TASOR: variants seen among roughly 807,000 people sequenced by gnomAD.
TASOR encodes transcription activation suppressor, also known as protein TASOR.
A neutral mutation model predicts 178.6 loss-of-function variants in TASOR; 53 were observed. The ratio of observed to expected loss-of-function variants is 0.30; its 90% confidence interval spans 0.24 to 0.37. The LOEUF (loss-of-function observed/expected upper bound fraction) is 0.37, where lower values mean the gene tolerates loss of function less well. Ranked by LOEUF, TASOR falls within the 10% of genes least tolerant of loss-of-function variation. TASOR has a pLI of 1.00. For missense variants in TASOR, 1,815 were observed against 1,971.4 expected (o/e 0.92, Z 1.50); for synonymous variants, 713 against 696.2 (o/e 1.02, Z -0.38).
rs1246669542 is a variant in TASOR, at chr3:56,678,424, G to A, written c.331+4252C>T. Among the ~76,000 whole-genome samples, 5 of 151,418 alleles carry A rather than the reference G, an allele frequency of 3.3e-5. No homozygotes were observed. In the East Asian group the frequency reaches 5.9e-4, roughly 18 times the overall value. On this transcript the variant is annotated intron_variant, in intron 1 of 23. Coordinates refer to ENST00000683822, the MANE Select transcript of TASOR (RefSeq NM_001365635.2). ...TCTCAAACTCCTGACCTCGTGATTC[G>A]CCCACCTCGGCCTCTCAAAGTGCTG...
intron 21 of TASOR, among the ~76,000 whole-genome samples, chr3:56,625,404 T>C (rs1017649531): frequency 1.3e-5 from 2 of 152,146 alleles, no homozygotes; most frequent in Admixed American, 6.5e-5. Context: ...TCCCAAAACT[T>C]TGGGAGGCCA....
intron 11 of TASOR, among the ~76,000 whole-genome samples, chr3:56,654,506 G>A (rs1033670683): frequency 2.0e-5 from 3 of 152,076 alleles, no homozygotes; most frequent in Non-Finnish European, 4.4e-5. Context: ...TACCATGTGT[G>A]ATGGTTAATT....
rs927866449 is a variant in TASOR at position 56,682,912 on chromosome 3, G to A, written c.95C>T (p.Pro32Leu). The change falls in exon 1 of 24, where the codon CCG becomes CTG. Residue 32 changes from proline (P) to leucine (L), a missense_variant. Transcript: ENST00000683822. ...GGDDEMKQAL[P>L]ELESSQQNGG... is the part of the protein sequence containing the mutation. Reference sequence around the variant, plus strand: ...ATTTTGTTGGGAGGACTCAAGCTCCGGAAGCGCCTGCTTCATCTCGTCGTC... The same window carrying A: ...ATTTTGTTGGGAGGACTCAAGCTCCAGAAGCGCCTGCTTCATCTCGTCGTC... The A allele has an allele frequency of 1.8e-5, 28 of 1,539,288 alleles. No individual in the cohort carries two copies. The East Asian group carries it at 6.4e-4, about 35-fold the overall frequency.
At chr3:56,673,386 C>G (rs1356758555) in intron 2 of TASOR, among the ~76,000 whole-genome samples, 194 bp downstream of exon 2, 1 of 139,910 alleles carries the variant, frequency 7.1e-6, no homozygotes, top group African/African-American at 2.7e-5. Context: ...GAGCCGAGAT[C>G]GCGCCACTGT....
intron 1 of TASOR, among the ~76,000 whole-genome samples, chr3:56,680,375 T>C (rs570041113): frequency 2.6e-5 from 4 of 152,188 alleles, no homozygotes; most frequent in Non-Finnish European, 4.4e-5. Context: ...TCAATTACAA[T>C]GGCAGTTATT....
At chr3:56,636,180 A>C (rs1455479540) in intron 17 of TASOR, among the ~76,000 whole-genome samples, 1 of 151,634 alleles carries the variant, frequency 6.6e-6, no homozygotes, top group Non-Finnish European at 1.5e-5. Flanking sequence ...CGTGGTGGCG[A>C]GCACCTGTAA....
At chr3:56,658,258 T>C (rs752937654) in intron 11 of TASOR, among the ~76,000 whole-genome samples, 1 of 152,226 alleles carries the variant, frequency 6.6e-6, no homozygotes, top group Non-Finnish European at 1.5e-5. Flanking sequence ...GATTTTACTT[T>C]ACTTCTTGAT....
intron 11 of TASOR, among the ~76,000 whole-genome samples, chr3:56,660,102 C>G (rs768819901): frequency 2.0e-5 from 3 of 151,960 alleles, no homozygotes; most frequent in Non-Finnish European, 4.4e-5. Context: ...ATCTTATGAT[C>G]TGCCTGCCTT....
chr3:56,646,639 C>G lies in TASOR; in HGVS notation c.2098G>C (p.Asp700His), dbSNP rs2077244623. The G allele has an allele frequency of 6.2e-7, 1 of 1,613,580 alleles. No homozygotes were observed. Among genetic ancestry groups the G allele is most frequent in the Non-Finnish European group, 8.5e-7 (1 of 1,179,970 alleles). The change falls in exon 14 of 24, where the codon GAC becomes CAC. Residue 700 changes from aspartate (D) to histidine (H), a missense_variant. Coordinates refer to ENST00000683822, the MANE Select transcript of TASOR (RefSeq NM_001365635.2). ...CRKKSVGGDSDTEDMRSKTVL... is the reference protein window; with the variant it reads ...CRKKSVGGDSHTEDMRSKTVL... ...GTTTTGCTTCTCATATCTTCTGTGT[C>G]TGAGTCCCCACCCACACTCTTTTTC... is the stretch of plus-strand genomic sequence containing the variant.
Position 56,623,517 on chromosome 3 carries a change from T to G in TASOR, c.4533A>C (p.Ser1511=). 1 of 1,608,952 alleles carries G rather than the reference T, an allele frequency of 6.2e-7. No individual in the cohort carries two copies. ...EKDEEDMSLD[S]GDEISHIEVC... ...CTTCTATATGTGAGATTTCATCCCC[T>G]GAATCCAGAGACATATCCTCTTCAT... Residue 1511 remains serine, a synonymous_variant, in exon 24 of 24, where the codon TCA becomes TCC. Transcript: ENST00000683822.
chr3:56,627,465 G>T, intron 20 of TASOR, 117 bp downstream of exon 20: 2 of 1,129,628 alleles, frequency 1.8e-6, no homozygotes, highest in Non-Finnish European at 2.6e-6. Flanking sequence ...GGTAATAAAA[G>T]CTCAAGAAAA....
intron 14 of TASOR, among the ~76,000 whole-genome samples, chr3:56,646,321 G>A (rs150838390): frequency 6.6e-6 from 1 of 152,272 alleles, no homozygotes; most frequent in Non-Finnish European, 1.5e-5. Flanking sequence ...CAGTCTCAGT[G>A]CCAACTCTGC....
chr3:56,625,882 A>T (rs2076788299), intron 21 of TASOR, among the ~76,000 whole-genome samples: 1 of 151,976 alleles, frequency 6.6e-6, no homozygotes, highest in South Asian at 2.1e-4. Flanking sequence ...TCAGCCTCCC[A>T]ATGTGCTGGG....
chr3:56,628,387 A>G, intron 19 of TASOR, 105 bp downstream of exon 19: 1 of 1,085,210 alleles, frequency 9.2e-7, no homozygotes, highest in South Asian at 1.5e-5. Flanking sequence ...CTTAAGTTTA[A>G]TCTCCTTTAA....
Position 56,674,201 on chromosome 3 carries a change from T to TAAAA in TASOR, c.332-480_332-477dup, listed in dbSNP as rs11348732. On this transcript the variant is annotated intron_variant, in intron 1 of 23. Coordinates refer to ENST00000683822, the MANE Select transcript of TASOR (RefSeq NM_001365635.2). Reference sequence around the variant, plus strand: ...TTACTGACACACTGGTCTTTAAGTTTAAAAAAAAAAAAAAAAAAAAAAAGC... The same window carrying TAAAA: ...TTACTGACACACTGGTCTTTAAGTTTAAAAAAAAAAAAAAAAAAAAAAAAAAAGC... 1.1e-3 allele frequency among the ~76,000 whole-genome samples: 128 copies of TAAAA among 111,818 alleles called. 1 individual carries two copies. Among genetic ancestry groups the TAAAA allele is most frequent in the African/African-American group, 4.1e-3 (120 of 28,958 alleles). The allele number at this position is 111,818 out of a possible 152,430, so 73.4% of individuals were successfully genotyped here.
intron 21 of TASOR, 46 bp downstream of exon 21, chr3:56,626,991 A>G (rs758075233): frequency 1.7e-6 from 2 of 1,144,384 alleles, no homozygotes; most frequent in Non-Finnish European, 2.6e-6. Context: ...TTATGAGTAC[A>G]ATGTTAAAAT....
At chr3:56,670,634 G>A (rs1200115814) in intron 3 of TASOR, among the ~76,000 whole-genome samples, 6 of 152,076 alleles carry the variant, frequency 3.9e-5, no homozygotes, top group South Asian at 4.2e-4. Flanking sequence ...AAATATCTTC[G>A]ATTAAAAGGG....
At chr3:56,670,179 C>A in intron 3 of TASOR, 34 bp from the exon 4 acceptor site, 3 of 1,249,830 alleles carry the variant, frequency 2.4e-6, no homozygotes, top group South Asian at 1.5e-5. Context: ...ATCTTGCAGT[C>A]ATAACAACAT....
rs761755136 is a variant in TASOR at position 56,633,342 on chromosome 3, T to A, written c.3449A>T (p.Gln1150Leu). The A allele has an allele frequency of 6.2e-7, 1 of 1,614,206 alleles. No homozygotes were observed. Among genetic ancestry groups the A allele is most frequent in the Non-Finnish European group, 8.5e-7 (1 of 1,180,022 alleles). ...TTCAGTTAAAGCCGAAGTGGAATGC[T>A]GCTCATCAGAGTTGGTATCTTTCAA... ...DPLKDTNSDE[Q>L]HSTSALTEVE... Residue 1150 changes from glutamine to leucine, a missense_variant, in exon 18 of 24, where the codon CAG becomes CTG. Gln to Leu is a moderately radical substitution (Grantham distance 113, BLOSUM62 -2). Transcript: ENST00000683822.
Sources: allele counts gnomAD v4.1 joint callset (sites outside exome capture counted in the v4.1 genomes callset), GRCh38; gene constraint gnomAD v4.1.1; transcripts MANE v1.5; gene names NCBI Gene and HGNC (gene_info 2026-07-23, HGNC 2026-07-21).